Variants in PLEKHA8 observed in about 807,000 individuals in gnomAD.
The protein encoded by PLEKHA8 is pleckstrin homology domain-containing family A member 8.
In PLEKHA8, 36 loss-of-function variants were observed where a neutral mutation model predicts 68.2. The observed-to-expected ratio is 0.53, with a 90% CI of 0.40 to 0.70. The LOEUF (loss-of-function observed/expected upper bound fraction) is 0.70. PLEKHA8 is among the 30% of genes least tolerant of loss of function. The probability of loss-of-function intolerance (pLI) is 0.00; values close to 1 mark genes in which losing one functional copy is unlikely to be tolerated. For missense variants in PLEKHA8, 505 were observed against 615.4 expected (o/e 0.82, Z 1.90); for synonymous variants, 211 against 216.1 (o/e 0.98, Z 0.20).
chr7:30,086,169 G>C (rs961303330), downstream of PLEKHA8, among the ~76,000 whole-genome samples: 10 of 152,154 alleles, frequency 6.6e-5, no homozygotes, highest in Admixed American at 2.6e-4. Flanking sequence ...ATATGTTGAG[G>C]AATCACCACC....
chr7:30,121,139 G>GA (rs1456133939), intron 13 of PLEKHA8, among the ~76,000 whole-genome samples: 2 of 152,118 alleles, frequency 1.3e-5, no homozygotes, highest in African/African-American at 4.8e-5. Context: ...GGTTCCACGT[G>GA]AAAAAATAGG....
intron 13 of PLEKHA8, among the ~76,000 whole-genome samples, chr7:30,097,014 C>A (rs542638393): frequency 2.5e-4 from 38 of 152,264 alleles, no homozygotes; most frequent in African/African-American, 7.5e-4. Flanking sequence ...TCTTTTAGGG[C>A]AGGCCTGGTG....
intron 13 of PLEKHA8, among the ~76,000 whole-genome samples, chr7:30,077,930 T>G (rs916158556): frequency 3.9e-5 from 6 of 152,118 alleles, no homozygotes; most frequent in African/African-American, 1.4e-4. Context: ...ACAGAGATGA[T>G]CCAAGTTCAG....
At chr7:30,092,605 C>A (rs181985611), downstream of PLEKHA8, among the ~76,000 whole-genome samples, 2 of 152,154 alleles carry the variant, frequency 1.3e-5, no homozygotes, top group Non-Finnish European at 2.9e-5. Flanking sequence ...CTCCATACTC[C>A]GGAGGACATC....
intron 9 of PLEKHA8, among the ~76,000 whole-genome samples, chr7:30,060,519 C>A (rs893888831): frequency 6.6e-6 from 1 of 152,120 alleles, no homozygotes; most frequent in Non-Finnish European, 1.5e-5. Flanking sequence ...TAATCTGGTA[C>A]GTATTTTACT....
Position 30,090,157 on chromosome 7 carries a change from T to TC in PLEKHA8, c.1307dup (p.Thr437AsnfsTer46). On this transcript the variant is annotated frameshift_variant, in exon 13 of 13. Coordinates refer to the PLEKHA8 transcript ENST00000258679. LOFTEE classifies it high-confidence loss of function. The stretch of plus-strand genomic sequence containing the variant: ...AAAGAGTGCACTATGTTGTAGGAAA[T>TC]CCAACAGAAAACACTTGACACCAAA... 2.6e-6 allele frequency: 4 copies of TC among 1,550,566 alleles called. No individual in the cohort carries two copies. The South Asian group carries it at 3.6e-5, about 14-fold the overall frequency.
intron 13 of PLEKHA8, among the ~76,000 whole-genome samples, chr7:30,096,639 A>G (rs1453603547): frequency 1.3e-5 from 2 of 152,180 alleles, no homozygotes; most frequent in Admixed American, 6.5e-5. Context: ...ATCTGAGACT[A>G]GGATTGCAAC....
In PLEKHA8 at chr7:30,081,242, A is replaced by T. The variant is rs1794915813; in HGVS notation, c.*2455A>T. On this transcript the variant is annotated 3_prime_UTR_variant, in exon 14 of 14. Coordinates refer to ENST00000449726, the MANE Select transcript of PLEKHA8 (RefSeq NM_001197026.2). Reference sequence around the variant, plus strand: ...ACCCTTTTTCCACATCTGTAGAAAGAGGGTAATATTTTTTAATAGGTATTT... The same window carrying T: ...ACCCTTTTTCCACATCTGTAGAAAGTGGGTAATATTTTTTAATAGGTATTT... 37 of 985,374 alleles carry T rather than the reference A, an allele frequency of 3.8e-5. No individual in the cohort carries two copies. The highest frequency in any genetic ancestry group is 4.5e-5 in the Non-Finnish European group (37 of 829,874). The allele number at this position is 985,374 out of a possible 1,614,324, so 61.0% of individuals were successfully genotyped here. A position where few individuals can be genotyped will look rare whatever the true frequency, so the allele number is the denominator to read the frequency against.
At chr7:30,089,495 C>T (rs1489447165), downstream of PLEKHA8, among the ~76,000 whole-genome samples, 1 of 152,068 alleles carries the variant, frequency 6.6e-6, no homozygotes, top group East Asian at 1.9e-4. Context: ...AGAACACAAC[C>T]CTATAGGGGA....
chr7:30,062,807 G>T, intron 12 of PLEKHA8, 65 bp downstream of exon 12: 1 of 1,238,104 alleles, frequency 8.1e-7, no homozygotes, highest in South Asian at 1.3e-5. Context: ...CCTAGAGGAG[G>T]ATACAGGGTA....
chr7:30,065,833 G>A (rs943073313), intron 12 of PLEKHA8, among the ~76,000 whole-genome samples: 1 of 152,138 alleles, frequency 6.6e-6, no homozygotes, highest in Non-Finnish European at 1.5e-5. Flanking sequence ...CTTCCCTAGG[G>A]TCTCAAAATC....
downstream of PLEKHA8, among the ~76,000 whole-genome samples, chr7:30,093,250 T>C (rs565111490): frequency 7.4e-4 from 112 of 152,342 alleles, no homozygotes; most frequent in Non-Finnish European, 1.3e-3. Context: ...ATAATAATTA[T>C]GAATACTTAT....
intron 2 of PLEKHA8, among the ~76,000 whole-genome samples, 167 bp from the exon 3 acceptor site, chr7:30,046,043 A>G (rs1382835263): frequency 6.6e-6 from 1 of 152,216 alleles, no homozygotes; most frequent in African/African-American, 2.4e-5. Flanking sequence ...CTAAGATGAG[A>G]TAAGTAAACA....
Position 30,090,499 on chromosome 7 carries a change from G to T in PLEKHA8, c.*324G>T, listed in dbSNP as rs980069624. 5 of 231,578 alleles carry T rather than the reference G, an allele frequency of 2.2e-5. No homozygotes were observed. In the South Asian group the frequency reaches 5.3e-4, roughly 24 times the overall value. The allele number at this position is 231,578 out of a possible 1,614,324, so 14.3% of individuals were successfully genotyped here. A position where few individuals can be genotyped will look rare whatever the true frequency, so the allele number is the denominator to read the frequency against. On this transcript the variant is annotated 3_prime_UTR_variant, in exon 13 of 13. Transcript: ENST00000258679. The stretch of plus-strand genomic sequence containing the variant: ...AAATAACTCAATGATGGATGAGCTG[G>T]TAGAAAAAAAGCTGGTGGTGAACCA...
intron 2 of PLEKHA8, among the ~76,000 whole-genome samples, chr7:30,045,972 G>A (rs185070692): frequency 6.6e-6 from 1 of 152,350 alleles, no homozygotes; most frequent in African/African-American, 2.4e-5. Context: ...TGTTTGGGCT[G>A]AAGTTTTTGT....
chr7:30,081,862 A>T lies in PLEKHA8; in HGVS notation c.*3075A>T. 1.0e-6 allele frequency: 1 copy of T among 985,420 alleles called. No homozygotes were observed. Among genetic ancestry groups the T allele is most frequent in the Non-Finnish European group, 1.2e-6 (1 of 829,902 alleles). 61.0% of individuals were successfully genotyped at this position (985,420 alleles called of 1,614,324 possible). ...CCAGTGTTTACACTTTGTAGGGATCAGGGTGTATTTGTTGAATTAAACAAA... is the reference window on the plus strand; with the variant it reads ...CCAGTGTTTACACTTTGTAGGGATCTGGGTGTATTTGTTGAATTAAACAAA... On this transcript the variant is annotated 3_prime_UTR_variant, in exon 14 of 14. Transcript: ENST00000449726.
chr7:30,120,561 A>G (rs1796680860), intron 13 of PLEKHA8, among the ~76,000 whole-genome samples: 1 of 152,246 alleles, frequency 6.6e-6, no homozygotes, highest in Non-Finnish European at 1.5e-5. Flanking sequence ...TCAGTTAAAC[A>G]TTTAGGTTGG....
chr7:30,106,859 C>T (rs55823135), intron 13 of PLEKHA8, among the ~76,000 whole-genome samples: 25,182 of 152,076 alleles, frequency 0.17, 2,110 homozygotes, highest in Middle Eastern at 0.22. Flanking sequence ...CGGGAGGATG[C>T]GCATAGGTTA....
chr7:30,092,095 A>C (rs1277617448), downstream of PLEKHA8, among the ~76,000 whole-genome samples: 1 of 152,084 alleles, frequency 6.6e-6, no homozygotes, highest in African/African-American at 2.4e-5. Flanking sequence ...CCAAATCCTC[A>C]ACTTGATTTG....
Sources: allele counts gnomAD v4.1 joint callset (sites outside exome capture counted in the v4.1 genomes callset), GRCh38; gene constraint gnomAD v4.1.1; transcripts MANE v1.5; gene names NCBI Gene and HGNC (gene_info 2026-07-23, HGNC 2026-07-21).